The following CNBD1 variants were observed in gnomAD, a reference collection of about 807,000 sequenced individuals.
CNBD1 encodes the protein cyclic nucleotide-binding domain-containing protein 1.
A neutral mutation model predicts 54.4 loss-of-function variants in CNBD1; 71 were observed. The ratio of observed to expected loss-of-function variants is 1.30; its 90% CI spans 1.08 to 1.59. The LOEUF (loss-of-function observed/expected upper bound fraction) is 1.59, where lower values mean the gene tolerates loss of function less well. CNBD1 is among the 40% of genes most tolerant of loss of function. CNBD1 has a pLI of 0.00. For synonymous variants in CNBD1, 182 were observed against 170.7 expected, an observed-to-expected ratio of 1.07 and a Z score of -0.51; for missense variants, 659 against 518.0, an observed-to-expected ratio of 1.27 and a Z score of -2.64.
intron 4 of CNBD1, among the ~76,000 whole-genome samples, chr8:87,058,684 G>C (rs1366550784): frequency 6.6e-6 from 1 of 152,280 alleles, no homozygotes; most frequent in Admixed American, 6.5e-5. Flanking sequence ...CATGGCTGGA[G>C]TGGCTGATAT....
chr8:87,223,840 T>G (rs1049277032), intron 5 of CNBD1, among the ~76,000 whole-genome samples: 1 of 152,102 alleles, frequency 6.6e-6, no homozygotes, highest in Non-Finnish European at 1.5e-5. Context: ...ATGGTTGAAC[T>G]AGTTTACAGT....
chr8:86,957,460 G>C (rs1462525910), intron 4 of CNBD1, among the ~76,000 whole-genome samples: 1 of 152,000 alleles, frequency 6.6e-6, no homozygotes, highest in Non-Finnish European at 1.5e-5. Flanking sequence ...AGCTGGTCCT[G>C]GACTTTTTTT....
intron 3 of CNBD1, among the ~76,000 whole-genome samples, chr8:86,925,543 T>C (rs901727157): frequency 2.2e-5 from 3 of 135,516 alleles, no homozygotes; most frequent in Non-Finnish European, 3.1e-5. Context: ...CTGTATGTGA[T>C]GGTGGGATTG....
At chr8:87,341,198 G>A (rs1016233140) in intron 8 of CNBD1, among the ~76,000 whole-genome samples, 3 of 151,758 alleles carry the variant, frequency 2.0e-5, no homozygotes, top group Non-Finnish European at 4.4e-5. Context: ...GCTCTCCCTA[G>A]TGTCTGCTTG....
intron 6 of CNBD1, among the ~76,000 whole-genome samples, chr8:87,248,237 GCCT>G (rs1416385411): frequency 2.5e-4 from 38 of 152,248 alleles, no homozygotes; most frequent in Non-Finnish European, 4.4e-5. Context: ...TAGCAATTGT[GCCT>G]CAATATCTTC....
chr8:87,167,119 TA>T (rs1812978688), intron 4 of CNBD1, among the ~76,000 whole-genome samples: 1 of 152,024 alleles, frequency 6.6e-6, no homozygotes. Flanking sequence ...TTTGATATTG[TA>T]ACCATTAACA....
In CNBD1 at chr8:86,897,016, G is replaced by A. The variant is rs72663129; in HGVS notation, c.159-8065G>A. 6.2e-3 allele frequency among the ~76,000 whole-genome samples: 948 copies of A among 152,262 alleles called. 3 individuals are homozygous for A. The highest frequency in any genetic ancestry group is 0.011 in the South Asian group (53 of 4,826). ...TACTATAAAAGTTTGATAACTTCAA[G>A]TCTTGGTGAGAATGTGGGAAAAGAT... On this transcript the variant is annotated intron_variant, in intron 2 of 10. Transcript: ENST00000518476.
intron 4 of CNBD1, among the ~76,000 whole-genome samples, chr8:87,037,044 A>T (rs1809964874): frequency 1.3e-5 from 2 of 152,112 alleles, no homozygotes; most frequent in Admixed American, 1.3e-4. Flanking sequence ...GGAATTTGTA[A>T]ATTTTTTGCG....
At chr8:87,386,501 A>G (rs1811193134), downstream of CNBD1, among the ~76,000 whole-genome samples, 1 of 152,218 alleles carries the variant, frequency 6.6e-6, no homozygotes, top group Non-Finnish European at 1.5e-5. Context: ...ATCAACTGGA[A>G]GAATGGGTAT....
chr8:87,059,433 A>T (rs1810495841), intron 4 of CNBD1, among the ~76,000 whole-genome samples: 1 of 152,192 alleles, frequency 6.6e-6, no homozygotes, highest in South Asian at 2.1e-4. Context: ...GTTTCTTCTC[A>T]TGCTGTTATG....
chr8:87,010,564 A>T (rs1237957271), intron 4 of CNBD1, among the ~76,000 whole-genome samples: 1 of 152,122 alleles, frequency 6.6e-6, no homozygotes, highest in Non-Finnish European at 1.5e-5. Context: ...ACTTGCCAAC[A>T]TGGTGAAACC....
At chr8:87,320,194 A>G (rs1280230871) in intron 8 of CNBD1, among the ~76,000 whole-genome samples, 1 of 152,004 alleles carries the variant, frequency 6.6e-6, no homozygotes, top group Admixed American at 6.6e-5. Flanking sequence ...TACTAGCTTA[A>G]CTTTTTATTG....
chr8:87,333,994 GT>G (rs1457940788), intron 8 of CNBD1, among the ~76,000 whole-genome samples: 1 of 152,076 alleles, frequency 6.6e-6, no homozygotes, highest in African/African-American at 2.4e-5. Flanking sequence ...AATCCATCTG[GT>G]CCTGGGTTTT....
intron 8 of CNBD1, among the ~76,000 whole-genome samples, chr8:87,348,259 T>C (rs895549874): frequency 2.0e-5 from 3 of 152,196 alleles, no homozygotes; most frequent in African/African-American, 7.2e-5. Context: ...ATAAATGCTA[T>C]CTATATTTAT....
intron 10 of CNBD1, among the ~76,000 whole-genome samples, chr8:87,378,934 C>T (rs956659634): frequency 4.7e-5 from 7 of 149,158 alleles, no homozygotes; most frequent in African/African-American, 1.8e-4. Flanking sequence ...TGGGAGTTCA[C>T]TCATGATTTG....
chr8:87,360,671 T>C (rs946271387), intron 10 of CNBD1, among the ~76,000 whole-genome samples: 4 of 151,966 alleles, frequency 2.6e-5, no homozygotes, highest in Non-Finnish European at 5.9e-5. Flanking sequence ...AATTTCTTTT[T>C]ATCTATAAAA....
At chr8:87,016,370 A>G (rs1240176467) in intron 4 of CNBD1, among the ~76,000 whole-genome samples, 1 of 151,666 alleles carries the variant, frequency 6.6e-6, no homozygotes, top group East Asian at 1.9e-4. Flanking sequence ...AAGGATGTCA[A>G]TTTTCAATAA....
At chr8:86,929,885 T>C (rs1809427657) in intron 3 of CNBD1, among the ~76,000 whole-genome samples, 1 of 152,224 alleles carries the variant, frequency 6.6e-6, no homozygotes, top group African/African-American at 2.4e-5. Flanking sequence ...TACTTAGGTA[T>C]GCAACTGGCT....
chr8:86,966,439 G>A (rs928012915), intron 4 of CNBD1, among the ~76,000 whole-genome samples: 5 of 152,172 alleles, frequency 3.3e-5, no homozygotes, highest in South Asian at 2.1e-4. Context: ...TGGTGTATCC[G>A]GAGTTTATTC....
Sources: gnomAD v4.1 joint callset for allele counts (sites outside exome capture counted in the v4.1 genomes callset) on GRCh38, gnomAD v4.1.1 for gene constraint, MANE v1.5 for transcripts, NCBI Gene and HGNC (gene_info 2026-07-23, HGNC 2026-07-21) for gene names.